CNRIP1: variants seen among roughly 807,000 people sequenced by gnomAD.
The protein encoded by CNRIP1 is cannabinoid receptor interacting protein 1.
CNRIP1 carries 10 observed loss-of-function variants against 15.2 expected under a neutral mutation model. That is an observed-to-expected ratio of 0.66 (90% confidence interval 0.41 to 1.12). CNRIP1 has a LOEUF of 1.12. Ranked by LOEUF, CNRIP1 falls within the 50% of genes most tolerant of loss-of-function variation. The pLI is 0.00. For missense variants in CNRIP1, 211 were observed against 214.7 expected, an observed-to-expected ratio of 0.98 and a Z score of 0.11; for synonymous variants, 91 against 83.2, an observed-to-expected ratio of 1.09 and a Z score of -0.51.
chr2:68,308,358 ATATT>A (rs1210093039), intron 2 of CNRIP1, among the ~76,000 whole-genome samples: 1 of 152,178 alleles, frequency 6.6e-6, no homozygotes, highest in African/African-American at 2.4e-5. Flanking sequence ...TGTTTTGTCA[ATATT>A]TCTGTTGAAG....
intron 2 of CNRIP1, among the ~76,000 whole-genome samples, chr2:68,301,893 C>CA (rs61613452): frequency 0.078 from 5,773 of 74,098 alleles, 675 homozygotes; most frequent in African/African-American, 0.19. Flanking sequence ...GTCTCCGTCT[C>CA]AAAAAAAAAA....
At chr2:68,306,778 TA>T (rs143458691) in intron 2 of CNRIP1, among the ~76,000 whole-genome samples, 50,532 of 139,120 alleles carry the variant, frequency 0.36, 8,847 homozygotes, top group African/African-American at 0.45. Context: ...AAGACTCCAT[TA>T]AAAAAAAAAA....
intron 2 of CNRIP1, among the ~76,000 whole-genome samples, chr2:68,305,056 C>A (rs1321555922): frequency 6.6e-6 from 1 of 151,972 alleles, no homozygotes; most frequent in Non-Finnish European, 1.5e-5. Flanking sequence ...ACCAGCCTGA[C>A]AAACACGGAG....
At chr2:68,286,131 TC>T (rs1192275348) in intron 2 of CNRIP1, among the ~76,000 whole-genome samples, 31 of 152,236 alleles carry the variant, frequency 2.0e-4, no homozygotes, top group Admixed American at 3.9e-4. Context: ...CACAATAAAC[TC>T]TCTGAGTGGA....
intron 2 of CNRIP1, among the ~76,000 whole-genome samples, chr2:68,306,124 CA>C (rs61586261): frequency 0.023 from 572 of 25,238 alleles, 1 homozygote; most frequent in Admixed American, 0.074. Context: ...CCCACCTCTA[CA>C]AAAAAAAAAA....
chr2:68,287,061 A>G (rs1374757859), intron 2 of CNRIP1, among the ~76,000 whole-genome samples: 1 of 152,114 alleles, frequency 6.6e-6, no homozygotes, highest in Non-Finnish European at 1.5e-5. Flanking sequence ...AATTTATCTT[A>G]TTTTTTAAGA....
intron 2 of CNRIP1, among the ~76,000 whole-genome samples, chr2:68,306,367 A>G (rs1671847118): frequency 6.6e-6 from 1 of 151,658 alleles, no homozygotes; most frequent in Non-Finnish European, 1.5e-5. Context: ...GATACTGTTT[A>G]CCTCTAATTA....
intron 2 of CNRIP1, among the ~76,000 whole-genome samples, chr2:68,311,242 C>T (rs1372907731): frequency 6.6e-6 from 1 of 152,030 alleles, no homozygotes; most frequent in Non-Finnish European, 1.5e-5. Flanking sequence ...AACCAAACTA[C>T]TGACAAGCAG....
chr2:68,294,103 T>C lies in CNRIP1; in HGVS notation c.331-77A>G. On this transcript the variant is annotated intron_variant, in intron 2 of 2. Transcript: ENST00000263655. ...TAGATGAGAGCTAACATTAGTGATG[T>C]AGCTCCTGGATAATCAAGCAGACCC... The C allele has an allele frequency of 2.7e-6, 4 of 1,461,276 alleles. No individual in the cohort carries two copies. The South Asian group carries it at 3.8e-5, about 14-fold the overall frequency. 90.5% of individuals were successfully genotyped at this position (1,461,276 alleles called of 1,614,324 possible).
At chr2:68,308,992 G>C (rs1370360838) in intron 2 of CNRIP1, among the ~76,000 whole-genome samples, 3 of 152,112 alleles carry the variant, frequency 2.0e-5, no homozygotes, top group Admixed American at 2.0e-4. Context: ...AGAAAAAAAA[G>C]TTAAAAAGCC....
intron 2 of CNRIP1, among the ~76,000 whole-genome samples, chr2:68,301,921 A>G (rs1048493702): frequency 1.3e-5 from 2 of 149,000 alleles, no homozygotes; most frequent in African/African-American, 4.9e-5. Flanking sequence ...AAAAAATACT[A>G]AGCAACCTTA....
chr2:68,302,997 G>A (rs1476144669), intron 2 of CNRIP1, among the ~76,000 whole-genome samples: 7 of 151,772 alleles, frequency 4.6e-5, no homozygotes, highest in South Asian at 4.2e-4. Context: ...ACAGGCGCCC[G>A]CTACCTCGCC....
chr2:68,284,776 A>G (rs1184655240), intron 2 of CNRIP1, among the ~76,000 whole-genome samples: 1 of 146,600 alleles, frequency 6.8e-6, no homozygotes, highest in African/African-American at 2.6e-5. Flanking sequence ...GTGCCACTGC[A>G]CTCCAGCCTG....
chr2:68,285,668 A>AGAAAAG (rs1553413239), intron 2 of CNRIP1, among the ~76,000 whole-genome samples: 2 of 124,438 alleles, frequency 1.6e-5, no homozygotes, highest in African/African-American at 6.1e-5. Context: ...AAAAAAAAAA[A>AGAAAAG]AAAAGAAAAG....
intron 2 of CNRIP1, among the ~76,000 whole-genome samples, chr2:68,308,818 A>G (rs1573030349): frequency 6.6e-6 from 1 of 152,196 alleles, no homozygotes; most frequent in South Asian, 2.1e-4. Flanking sequence ...CTACCCAATA[A>G]GACAGCACAT....
Position 68,287,066 on chromosome 2 carries a change from T to A in CNRIP1, c.331-2582A>T, listed in dbSNP as rs1482172245. Among the ~76,000 whole-genome samples, 4 of 152,234 alleles carry A rather than the reference T, an allele frequency of 2.6e-5. No individual in the cohort carries two copies. In the East Asian group the frequency reaches 7.7e-4, roughly 29 times the overall value. On this transcript the variant is annotated intron_variant, in intron 2 of 2. Coordinates refer to the CNRIP1 transcript ENST00000409559. ...GGTCAGTCATAATTTATCTTATTTT[T>A]TAAGACCATGGAAGGAAAAAAAGAT...
chr2:68,296,609 G>C (rs1037494116), intron 2 of CNRIP1, among the ~76,000 whole-genome samples: 3 of 151,294 alleles, frequency 2.0e-5, no homozygotes, highest in Non-Finnish European at 4.4e-5. Flanking sequence ...CTGATGGACT[G>C]TTTTATTTTC....
chr2:68,319,930 A>G lies in CNRIP1; in HGVS notation c.-530T>C, dbSNP rs1672439964. The G allele has an allele frequency of 6.6e-6, 1 of 152,348 alleles. No homozygotes were observed. Among genetic ancestry groups the G allele is most frequent in the South Asian group, 2.1e-4 (1 of 4,850 alleles). 9.4% of individuals were successfully genotyped at this position (152,348 alleles called of 1,614,324 possible). A position where few individuals can be genotyped will look rare whatever the true frequency, so the allele number is the denominator to read the frequency against. ...CCGGAATCTGGATACCGCCTCGGCC[A>G]GCTACGTGAGGTGGACACTGCTGCT... On this transcript the variant is annotated 5_prime_UTR_variant, in exon 1 of 3. Transcript: ENST00000263655.
intron 1 of CNRIP1, among the ~76,000 whole-genome samples, chr2:68,318,909 C>T (rs1399875431): frequency 6.6e-6 from 1 of 152,258 alleles, no homozygotes; most frequent in Non-Finnish European, 1.5e-5. Context: ...GGTTCCGCGC[C>T]CAAGGCTGGA....
Sources: allele counts gnomAD v4.1 joint callset (sites outside exome capture counted in the v4.1 genomes callset), GRCh38; gene constraint gnomAD v4.1.1; transcripts MANE v1.5; gene names NCBI Gene and HGNC (gene_info 2026-07-23, HGNC 2026-07-21).